The following HERC2 variants were observed in gnomAD, a reference collection of about 807,000 sequenced individuals.
HERC2 encodes E3 ubiquitin-protein ligase HERC2.
A neutral mutation model predicts 537.7 loss-of-function variants in HERC2; 102 were observed. The ratio of observed to expected loss-of-function variants is 0.19; its 90% CI spans 0.16 to 0.22. The LOEUF is 0.22. HERC2 is among the 10% of genes least tolerant of loss of function. HERC2 has a pLI of 1.00. For synonymous variants in HERC2, 2,224 were observed against 2,466.2 expected (o/e 0.90, Z 2.91); for missense variants, 4,236 against 6,198.2 (o/e 0.68, Z 10.63).
chr15:28,309,801 G>A (rs1027398989), intron 2 of HERC2, among the ~76,000 whole-genome samples: 1 of 152,152 alleles, frequency 6.6e-6, no homozygotes, highest in Non-Finnish European at 1.5e-5. Context: ...GTTACAAGCT[G>A]CCAAATTTGT....
chr15:28,173,496 A>T (rs1187021975), intron 65 of HERC2, among the ~76,000 whole-genome samples: 5 of 152,186 alleles, frequency 3.3e-5, no homozygotes, highest in Admixed American at 1.3e-4. Flanking sequence ...TATTTATAGT[A>T]AGCTGTACAA....
At chr15:28,317,741 G>C (rs2077127512) in intron 2 of HERC2, among the ~76,000 whole-genome samples, 4 of 152,150 alleles carry the variant, frequency 2.6e-5, no homozygotes, top group Admixed American at 2.0e-4. Flanking sequence ...ACAGACCCTT[G>C]ATAGAATGGC....
At chr15:28,172,857 T>C (rs1411285572) in intron 65 of HERC2, among the ~76,000 whole-genome samples, 7 of 152,232 alleles carry the variant, frequency 4.6e-5, no homozygotes, top group African/African-American at 7.2e-5. Flanking sequence ...TAGCAAATTC[T>C]ATATTAGGCA....
chr15:28,313,003 C>T (rs541325037), intron 2 of HERC2, among the ~76,000 whole-genome samples: 3 of 152,176 alleles, frequency 2.0e-5, no homozygotes, highest in Non-Finnish European at 4.4e-5. Context: ...CCAAAGGCCA[C>T]ACAACACTGA....
At chr15:28,139,462 T>C (rs1018845407) in intron 78 of HERC2, among the ~76,000 whole-genome samples, 2 of 152,222 alleles carry the variant, frequency 1.3e-5, no homozygotes, top group Non-Finnish European at 2.9e-5. Flanking sequence ...CAAAGTTCCA[T>C]GAGGGACTGA....
chr15:28,136,167 C>T (rs1435486656), intron 78 of HERC2, among the ~76,000 whole-genome samples: 1 of 150,358 alleles, frequency 6.7e-6, no homozygotes, highest in Non-Finnish European at 1.5e-5. Context: ...TTTTAGGACA[C>T]AAAACATCTA....
intron 4 of HERC2, among the ~76,000 whole-genome samples, chr15:28,287,639 A>G (rs1426562292): frequency 6.6e-6 from 1 of 152,068 alleles, no homozygotes. Flanking sequence ...ACTTCATGTC[A>G]GTTGCACAGC....
intron 55 of HERC2, among the ~76,000 whole-genome samples, chr15:28,188,903 C>T (rs1253689551): frequency 6.6e-6 from 1 of 152,054 alleles, no homozygotes; most frequent in African/African-American, 2.4e-5. Flanking sequence ...GCCTGGCCAA[C>T]ATGACAAAAC....
At chr15:28,279,043 C>T (rs905240845) in intron 5 of HERC2, among the ~76,000 whole-genome samples, 2 of 152,062 alleles carry the variant, frequency 1.3e-5, no homozygotes, top group Admixed American at 6.6e-5. Context: ...TTCTTGTTGC[C>T]CAGGCTGGCA....
intron 78 of HERC2, 95 bp downstream of exon 78, chr15:28,141,337 G>A: frequency 9.8e-7 from 1 of 1,018,444 alleles, no homozygotes; most frequent in Non-Finnish European, 1.5e-6. Flanking sequence ...AAACGTTTTA[G>A]TACAGATCCT....
chr15:28,260,854 C>A lies in HERC2; in HGVS notation c.2239G>T (p.Val747Leu). Residue 747 changes from valine to leucine, a missense_variant, in exon 16 of 93, where the codon GTG becomes TTG. By Grantham distance (32) the Val-to-Leu change is conservative. Coordinates refer to ENST00000261609, the MANE Select transcript of HERC2 (RefSeq NM_004667.6). The stretch of plus-strand genomic sequence containing the variant: ...AATGCTGCAGGTTCTGGCTTGGTCA[C>A]GCGCAAGGTGTCAAAGTGCTGGCAC... ...DQCQHFDTLR[V>L]TKPEPAALPG... The A allele has an allele frequency of 1.2e-6, 2 of 1,614,228 alleles. No individual in the cohort carries two copies. The highest frequency in any genetic ancestry group is 1.1e-5 in the South Asian group (1 of 91,088).
intron 35 of HERC2, among the ~76,000 whole-genome samples, chr15:28,224,413 G>T (rs1369209374): frequency 2.0e-5 from 3 of 152,078 alleles, no homozygotes; most frequent in Non-Finnish European, 4.4e-5. Flanking sequence ...GTAGAGACAG[G>T]GTTTCTCTAT....
At chr15:28,271,986 G>C in intron 9 of HERC2, 2 of 540,550 alleles carry the variant, frequency 3.7e-6, no homozygotes. Context: ...ATTTAAAAGT[G>C]AATGTTTCAA....
intron 30 of HERC2, among the ~76,000 whole-genome samples, chr15:28,231,503 A>G (rs548216423): frequency 6.6e-6 from 1 of 152,290 alleles, no homozygotes; most frequent in African/African-American, 2.4e-5. Flanking sequence ...ACTGGCCCCC[A>G]ACAAAATCTC....
Position 28,269,370 on chromosome 15 carries a change from G to C in HERC2, c.1324C>G (p.Pro442Ala), listed in dbSNP as rs1441069346. 2 of 1,614,102 alleles carry C rather than the reference G, an allele frequency of 1.2e-6. No individual in the cohort carries two copies. The highest frequency in any genetic ancestry group is 1.7e-5 in the Admixed American group (1 of 60,008). ...TTGGCCAGGCCTTCGCACTGGATTGGACCAATCACATTGGCATAGTATTTC... is the reference window on the plus strand; with the variant it reads ...TTGGCCAGGCCTTCGCACTGGATTGCACCAATCACATTGGCATAGTATTTC... The part of the protein sequence containing the change: ...GWKYYANVIG[P>A]IQCEGLANLG... Residue 442 changes from proline to alanine, a missense_variant, in exon 11 of 93, where the codon CCA becomes GCA. Pro to Ala is a conservative substitution (Grantham distance 27). Transcript: ENST00000261609.
chr15:28,284,732 T>G (rs986377810), intron 4 of HERC2, among the ~76,000 whole-genome samples: 1 of 151,754 alleles, frequency 6.6e-6, no homozygotes, highest in Admixed American at 6.6e-5. Flanking sequence ...CTGGCCAACA[T>G]GGCAAAACCC....
chr15:28,250,472 T>C lies in HERC2; in HGVS notation c.3051-1736A>G, dbSNP rs545768793. Among the ~76,000 whole-genome samples, 5 of 152,324 alleles carry C rather than the reference T, an allele frequency of 3.3e-5. No homozygotes were observed. In the South Asian group the frequency reaches 8.3e-4, roughly 25 times the overall value. On this transcript the variant is annotated intron_variant, in intron 20 of 92. Transcript: ENST00000261609. ...AATGAAATTTTTAGTTTATTTAATA[T>C]AAAATTTAGAGCCATAATCAAAACG... is the stretch of plus-strand genomic sequence containing the variant.
At chr15:28,276,422 C>G (rs949670965) in intron 5 of HERC2, among the ~76,000 whole-genome samples, 2 of 152,014 alleles carry the variant, frequency 1.3e-5, no homozygotes, top group African/African-American at 4.8e-5. Context: ...ATGAGAAATA[C>G]GAACATGACA....
At chr15:28,156,796 G>GC (rs1302814529) in intron 69 of HERC2, among the ~76,000 whole-genome samples, 1 of 152,232 alleles carries the variant, frequency 6.6e-6, no homozygotes, top group Non-Finnish European at 1.5e-5. Context: ...ATGTTGAACA[G>GC]GAGTGGTGAG....
Sources: gnomAD v4.1 joint callset for allele counts (sites outside exome capture counted in the v4.1 genomes callset) on GRCh38, gnomAD v4.1.1 for gene constraint, MANE v1.5 for transcripts, NCBI Gene and HGNC (gene_info 2026-07-23, HGNC 2026-07-21) for gene names.